The following PRG4 variants were observed in gnomAD, a reference collection of about 807,000 sequenced individuals.
PRG4 encodes the protein articular superficial zone protein.
PRG4 carries 61 observed loss-of-function variants against 91.2 expected under a neutral mutation model. That is an observed-to-expected ratio of 0.67 (90% CI 0.54 to 0.83). The LOEUF (loss-of-function observed/expected upper bound fraction) is 0.83. PRG4 is among the 40% of genes least tolerant of loss of function. The pLI is 0.00. For synonymous variants in PRG4, 576 were observed against 614.2 expected, an observed-to-expected ratio of 0.94 and a Z score of 0.92; for missense variants, 1,564 against 1,714.2, an observed-to-expected ratio of 0.91 and a Z score of 1.55.
In PRG4 at chr1:186,311,611, A is replaced by G; in HGVS notation, c.3793+15A>G. The G allele has an allele frequency of 6.2e-7, 1 of 1,610,406 alleles. No individual in the cohort carries two copies. Among genetic ancestry groups the G allele is most frequent in the Non-Finnish European group, 8.5e-7 (1 of 1,176,886 alleles). On this transcript the variant is annotated intron_variant, in intron 10 of 12. Transcript: ENST00000445192. The stretch of plus-strand genomic sequence containing the variant: ...TTTCAAGAGAGGTATGTGTTACATA[A>G]TTGACAAGATTACAAAACTTTTAAA...
chr1:186,302,320 C>T (rs1656276805), intron 4 of PRG4, among the ~76,000 whole-genome samples: 1 of 152,198 alleles, frequency 6.6e-6, no homozygotes, highest in Admixed American at 6.5e-5. Context: ...ATATTCCCAT[C>T]TTAAAATCAA....
chr1:186,309,858 G>A lies in PRG4; in HGVS notation c.3487G>A (p.Val1163Ile), dbSNP rs1657047675. 6.2e-7 allele frequency: 1 copy of A among 1,613,210 alleles called. No homozygotes were observed. The highest frequency in any genetic ancestry group is 1.3e-5 in the African/African-American group (1 of 74,886). ...GLTTLRNGTL[V>I]AFRGHYFWML... ...GACTACTTTGCGCAATGGGACATTA[G>A]TTGCATTCCGAGGTGAGCTATGTAC... is the stretch of plus-strand genomic sequence containing the variant. Residue 1163 changes from valine (V) to isoleucine (I), a missense_variant, in exon 8 of 13, where the codon GTT becomes ATT. Val to Ile is a conservative substitution (Grantham distance 29). Around this residue, in one of 3 missense-constraint regions of PRG4, gnomAD observed 1,079 missense variants for 1,162.2 expected, o/e 0.93. Coordinates refer to ENST00000445192, the MANE Select transcript of PRG4 (RefSeq NM_005807.6).
At chr1:186,306,224 C>T (rs1303265538) in intron 6 of PRG4, 94 bp from the exon 7 acceptor site, 20 of 1,058,534 alleles carry the variant, frequency 1.9e-5, no homozygotes, top group Admixed American at 2.7e-5. Context: ...TGCTTAGAAA[C>T]ACACAACTAG....
intron 3 of PRG4, 23 bp from the exon 4 acceptor site, chr1:186,301,569 A>G (rs772036802): frequency 3.1e-6 from 5 of 1,613,424 alleles, no homozygotes; most frequent in Non-Finnish European, 4.2e-6. Flanking sequence ...ATAATCTGTA[A>G]CTTCTTGTTT....
intron 2 of PRG4, among the ~76,000 whole-genome samples, chr1:186,298,730 G>A (rs1024162896): frequency 1.3e-5 from 2 of 151,844 alleles, no homozygotes; most frequent in Admixed American, 6.6e-5. Flanking sequence ...CAGGTGATCC[G>A]CCCGCCTCAG....
chr1:186,313,642 T>C (rs1265302714), intron 12 of PRG4, 39 bp from the exon 13 acceptor site: 1 of 1,270,286 alleles, frequency 7.9e-7, no homozygotes, highest in Admixed American at 1.7e-5. Flanking sequence ...TGGGCATTGT[T>C]TTCTTTTTAA....
At chr1:186,309,991 C>T (rs1177837761) in intron 8 of PRG4, 121 bp downstream of exon 8, 1 of 790,110 alleles carries the variant, frequency 1.3e-6, no homozygotes. Context: ...TTGATAAGCA[C>T]ACCTCACAGG....
At chr1:186,311,194 G>GA in intron 9 of PRG4, 24 bp downstream of exon 9, 1 of 1,592,806 alleles carries the variant, frequency 6.3e-7, no homozygotes, top group Non-Finnish European at 8.6e-7. Context: ...CTTTGTGAGA[G>GA]AAATTTAATA....
At chr1:186,298,409 T>G (rs187754468) in intron 2 of PRG4, among the ~76,000 whole-genome samples, 57 of 151,644 alleles carry the variant, frequency 3.8e-4, no homozygotes, top group African/African-American at 1.2e-3. Context: ...TAAATAAAAT[T>G]AATGGTTACA....
At chr1:186,299,954 C>T (rs1656090573) in intron 2 of PRG4, 137 bp from the exon 3 acceptor site, 2 of 949,696 alleles carry the variant, frequency 2.1e-6, no homozygotes, top group Non-Finnish European at 3.4e-6. Flanking sequence ...ATCAGCTGGG[C>T]CTATTGCTGA....
Position 186,307,152 on chromosome 1 carries a change from C to G in PRG4, c.1433C>G (p.Thr478Ser). Residue 478 changes from threonine (T) to serine (S), a missense_variant, in exon 7 of 13, where the codon ACT becomes AGT. Coordinates refer to ENST00000445192, the MANE Select transcript of PRG4 (RefSeq NM_005807.6). ...ACCACCAAGGAGCCTGCACCCACCA[C>G]TCCCAAAGAGCCTGCACCCACTGCC... ...APTTKEPAPTTPKEPAPTAPK... is the reference protein window; with the variant it reads ...APTTKEPAPTSPKEPAPTAPK... 1 of 1,148,502 alleles carries G rather than the reference C, an allele frequency of 8.7e-7. No individual in the cohort carries two copies. Among genetic ancestry groups the G allele is most frequent in the African/African-American group, 1.7e-5 (1 of 57,806 alleles). 71.1% of individuals were successfully genotyped at this position (1,148,502 alleles called of 1,614,324 possible).
chr1:186,311,394 T>C (rs2102036397), intron 9 of PRG4, 46 bp from the exon 10 acceptor site: 1 of 1,586,784 alleles, frequency 6.3e-7, no homozygotes, highest in South Asian at 1.1e-5. Flanking sequence ...GTTCCAAATC[T>C]TTTTTCCCAA....
intron 6 of PRG4, among the ~76,000 whole-genome samples, chr1:186,305,182 T>C (rs965749748): frequency 6.6e-5 from 10 of 152,320 alleles, no homozygotes; most frequent in African/African-American, 2.4e-4. Flanking sequence ...CAGAGATGAT[T>C]ATTGATGGCT....
chr1:186,308,767 G>A lies in PRG4; in HGVS notation c.3048G>A (p.Ala1016=), dbSNP rs775699333. Residue 1016 remains alanine, a synonymous_variant, in exon 7 of 13, where the codon GCG becomes GCA. Transcript: ENST00000445192. ...AAGACAGAGCTACTAATTCTAAAGC[G>A]ACAACTCCTAAACCTCAAAAGCCAA... The part of the protein sequence containing the change: ...KPKDRATNSK[A]TTPKPQKPTK... 8.7e-6 allele frequency: 14 copies of A among 1,613,456 alleles called. No homozygotes were observed. The highest frequency in any genetic ancestry group is 2.7e-5 in the African/African-American group (2 of 74,792).
intron 1 of PRG4, 124 bp from the exon 2 acceptor site, chr1:186,296,722 G>A (rs892523778): frequency 3.1e-6 from 2 of 644,360 alleles, no homozygotes; most frequent in Admixed American, 2.6e-5. Flanking sequence ...TTAAAGTCTT[G>A]TTTCAAGAAT....
At position 186,313,771 on chromosome 1, in the gene PRG4, G is replaced by GTCCT. The variant is rs1232664776; in HGVS notation, c.4210_4213dup (p.Ter1405SerfsTer4). 6.3e-7 allele frequency: 1 copy of GTCCT among 1,599,268 alleles called. No individual in the cohort carries two copies. The highest frequency in any genetic ancestry group is 1.3e-5 in the African/African-American group (1 of 74,554). ...ACCTTATCCAAAGTCTGGTACAACTGTCCTTAGACTGATGAGCAAAGGAGG... is the reference window on the plus strand; with the variant it reads ...ACCTTATCCAAAGTCTGGTACAACTGTCCTTCCTTAGACTGATGAGCAAAGGAGG... On this transcript the variant is annotated frameshift_variant, in exon 13 of 13. Transcript: ENST00000445192. LOFTEE classifies it high-confidence loss of function.
At chr1:186,311,220 ATTAT>A (rs1206599417) in intron 9 of PRG4, 50 bp downstream of exon 9, 6 of 1,557,984 alleles carry the variant, frequency 3.9e-6, no homozygotes, top group African/African-American at 1.4e-5. Context: ...TTGTAACTGC[ATTAT>A]TTATTACAAC....
chr1:186,308,418 C>A lies in PRG4; in HGVS notation c.2699C>A (p.Thr900Lys), dbSNP rs764826528. 1.2e-6 allele frequency: 2 copies of A among 1,613,820 alleles called. No homozygotes were observed. Among genetic ancestry groups the A allele is most frequent in the Non-Finnish European group, 1.7e-6 (2 of 1,180,048 alleles). Residue 900 changes from threonine (T) to lysine (K), a missense_variant, in exon 7 of 13, where the codon ACA (threonine) becomes AAA (lysine). Physicochemically the swap from Thr to Lys is moderately conservative, Grantham distance 78. Transcript: ENST00000445192. ...AGTCCCAAGGAACCTGGTGTACCTACAACTAAGACTCCTGCAGCGACTAAA... is the reference window on the plus strand; with the variant it reads ...AGTCCCAAGGAACCTGGTGTACCTAAAACTAAGACTCCTGCAGCGACTAAA... Reference protein sequence around the residue: ...ENSPKEPGVPTTKTPAATKPE... With the variant: ...ENSPKEPGVPKTKTPAATKPE...
chr1:186,308,554 A>AG lies in PRG4; in HGVS notation c.2836dup (p.Glu946GlyfsTer32). On this transcript the variant is annotated frameshift_variant, in exon 7 of 13. Transcript: ENST00000445192. LOFTEE classifies it high-confidence loss of function. ...TGACAAAAGAGACAGCAACTACAAC[A>AG]GAAAAAACTACCGAATCCAAAATAA... 1 of 1,613,706 alleles carries AG rather than the reference A, an allele frequency of 6.2e-7. No homozygotes were observed. Among genetic ancestry groups the AG allele is most frequent in the Non-Finnish European group, 8.5e-7 (1 of 1,180,026 alleles).
Sources: allele counts gnomAD v4.1 joint callset (sites outside exome capture counted in the v4.1 genomes callset), GRCh38; gene constraint gnomAD v4.1.1; regional missense constraint gnomAD v4.1.1; transcripts MANE v1.5; gene names NCBI Gene and HGNC (gene_info 2026-07-23, HGNC 2026-07-21).